Variants in HMBOX1 observed in about 807,000 individuals in gnomAD.
HMBOX1 encodes the protein homeobox containing 1, also known as homeobox-containing protein 1.
Under a neutral mutation model 54.5 loss-of-function variants are expected in HMBOX1, and 14 were observed. The observed-to-expected ratio is 0.26, with a 90% CI of 0.17 to 0.40. HMBOX1 has a LOEUF of 0.40. Among genes scored for constraint, HMBOX1 ranks in the 10% least tolerant of loss-of-function variants. The pLI, the probability that HMBOX1 is intolerant of heterozygous loss-of-function variation, is 1.00. For synonymous variants in HMBOX1, 160 were observed against 181.0 expected, an observed-to-expected ratio of 0.88 and a Z score of 0.93; for missense variants, 332 against 514.4, an observed-to-expected ratio of 0.65 and a Z score of 3.43.
rs183662731 is a variant in HMBOX1, at chr8:28,975,314, A to C, written c.501-4757A>C. 5.8e-4 allele frequency among the ~76,000 whole-genome samples: 89 copies of C among 152,336 alleles called. 1 individual carries two copies. The East Asian group carries it at 0.014, about 25-fold the overall frequency. On this transcript the variant is annotated intron_variant, in intron 3 of 9. Transcript: ENST00000287701. Reference sequence around the variant, plus strand: ...ATTAGCATGCGAGTAGTAGTATTGAAATGTTAAAGTTAGCCATTGCAAGAA... The same window carrying C: ...ATTAGCATGCGAGTAGTAGTATTGACATGTTAAAGTTAGCCATTGCAAGAA...
intron 6 of HMBOX1, among the ~76,000 whole-genome samples, chr8:29,021,250 C>A (rs1011832661): frequency 1.3e-5 from 2 of 151,900 alleles, no homozygotes; most frequent in Non-Finnish European, 2.9e-5. Flanking sequence ...TCAAATGAGT[C>A]AAAGAAGTGA....
intron 2 of HMBOX1, among the ~76,000 whole-genome samples, chr8:28,965,289 A>G (rs1452432063): frequency 1.3e-5 from 2 of 152,220 alleles, no homozygotes; most frequent in Admixed American, 1.3e-4. Context: ...ATAAATGTGC[A>G]TGTTTGTACT....
chr8:28,893,475 T>C (rs1002741833), intron 1 of HMBOX1, among the ~76,000 whole-genome samples: 7 of 152,220 alleles, frequency 4.6e-5, no homozygotes, highest in African/African-American at 1.7e-4. Context: ...TAGTTTAGTT[T>C]ACTGCATTTA....
At chr8:29,032,096 A>C (rs571471039) in intron 6 of HMBOX1, among the ~76,000 whole-genome samples, 2 of 152,366 alleles carry the variant, frequency 1.3e-5, no homozygotes, top group Admixed American at 1.3e-4. Flanking sequence ...TTACATTGCG[A>C]CATTTGCAAC....
intron 5 of HMBOX1, chr8:29,010,124 C>G: frequency 1.0e-6 from 1 of 979,260 alleles, no homozygotes; most frequent in Non-Finnish European, 1.2e-6. Context: ...CAGGATGAAA[C>G]AGAAAAGAAC....
intron 6 of HMBOX1, among the ~76,000 whole-genome samples, chr8:29,037,932 G>A (rs1418784036): frequency 6.6e-6 from 1 of 152,170 alleles, no homozygotes; most frequent in Admixed American, 6.5e-5. Context: ...ACACTGAATT[G>A]TAGTTAGTGG....
At chr8:28,892,133 C>G (rs940850529) in intron 1 of HMBOX1, among the ~76,000 whole-genome samples, 12 of 152,002 alleles carry the variant, frequency 7.9e-5, no homozygotes, top group Non-Finnish European at 1.6e-4. Context: ...GTGGTTTTAC[C>G]ATAAAATGCA....
intron 1 of HMBOX1, among the ~76,000 whole-genome samples, chr8:28,938,856 A>G (rs1820848413): frequency 6.6e-6 from 1 of 152,074 alleles, no homozygotes; most frequent in Non-Finnish European, 1.5e-5. Context: ...CCACCTTCAT[A>G]AATTCTTCCT....
chr8:28,975,263 C>CTATAA (rs1387122884), intron 3 of HMBOX1, among the ~76,000 whole-genome samples: 1 of 152,170 alleles, frequency 6.6e-6, no homozygotes, highest in Non-Finnish European at 1.5e-5. Context: ...TTAGGAACAA[C>CTATAA]TATAATACAG....
intron 1 of HMBOX1, among the ~76,000 whole-genome samples, chr8:28,926,577 G>C (rs964551126): frequency 6.6e-6 from 1 of 151,802 alleles, no homozygotes; most frequent in Non-Finnish European, 1.5e-5. Flanking sequence ...TTTGAGATGG[G>C]GTCTTACTCT....
At chr8:28,978,651 G>T (rs1446749258) in intron 3 of HMBOX1, among the ~76,000 whole-genome samples, 1 of 152,124 alleles carries the variant, frequency 6.6e-6, no homozygotes, top group Non-Finnish European at 1.5e-5. Flanking sequence ...GCCGGGTGTG[G>T]TGCTGCATGC....
At chr8:28,926,525 G>A (rs1006401858) in intron 1 of HMBOX1, among the ~76,000 whole-genome samples, 2 of 152,080 alleles carry the variant, frequency 1.3e-5, no homozygotes, top group Non-Finnish European at 2.9e-5. Context: ...TAATTGACTG[G>A]AGTAAACTTT....
chr8:28,997,530 G>A (rs1275396913), intron 4 of HMBOX1, among the ~76,000 whole-genome samples: 1 of 152,044 alleles, frequency 6.6e-6, no homozygotes, highest in African/African-American at 2.4e-5. Context: ...TTTTACATCT[G>A]CATATGTAAG....
intron 1 of HMBOX1, among the ~76,000 whole-genome samples, chr8:28,956,877 A>G (rs1167426366): frequency 6.6e-6 from 1 of 152,242 alleles, no homozygotes; most frequent in Non-Finnish European, 1.5e-5. Flanking sequence ...ACAAGCAGCC[A>G]GCAAACATGA....
At chr8:28,940,995 C>G (rs1368759210) in intron 1 of HMBOX1, among the ~76,000 whole-genome samples, 1 of 152,076 alleles carries the variant, frequency 6.6e-6, no homozygotes, top group Non-Finnish European at 1.5e-5. Context: ...GTTTCTAATT[C>G]TTTTATATTT....
intron 1 of HMBOX1, among the ~76,000 whole-genome samples, chr8:28,952,963 TACTATAGCAGAACTAC>T (rs1823756441): frequency 6.6e-6 from 1 of 152,256 alleles, no homozygotes; most frequent in Non-Finnish European, 1.5e-5. Flanking sequence ...AGGTGAAGCC[TACTATAGCAGAACTAC>T]AGTTCTGCTA....
chr8:28,960,038 T>C (rs1825187229), intron 1 of HMBOX1, among the ~76,000 whole-genome samples: 1 of 152,020 alleles, frequency 6.6e-6, no homozygotes, highest in African/African-American at 2.4e-5. Context: ...TATTAGACTT[T>C]CTGTGTAATT....
At chr8:28,913,657 T>A (rs1306276351) in intron 1 of HMBOX1, among the ~76,000 whole-genome samples, 1 of 152,194 alleles carries the variant, frequency 6.6e-6, no homozygotes. Flanking sequence ...GCATTTCTCT[T>A]TCTCTCCCCA....
intron 1 of HMBOX1, among the ~76,000 whole-genome samples, chr8:28,929,921 ACCCCGCC>A (rs1270913163): frequency 7.1e-6 from 1 of 141,380 alleles, no homozygotes; most frequent in Non-Finnish European, 1.5e-5. Context: ...CGTTTCTAAC[ACCCCGCC>A]CCCCGCCCGC....
Sources: gnomAD v4.1 joint callset for allele counts (sites outside exome capture counted in the v4.1 genomes callset) on GRCh38, gnomAD v4.1.1 for gene constraint, MANE v1.5 for transcripts, NCBI Gene and HGNC (gene_info 2026-07-23, HGNC 2026-07-21) for gene names.